ACTR3C: variants seen among roughly 807,000 people sequenced by gnomAD.
ACTR3C encodes actin-related protein 3C.
Under a neutral mutation model 26.3 loss-of-function variants are expected in ACTR3C, and 18 were observed. That is an observed-to-expected ratio of 0.68 (90% CI 0.47 to 1.01). The LOEUF (loss-of-function observed/expected upper bound fraction) is 1.01, where lower values mean the gene tolerates loss of function less well. Among genes scored for constraint, ACTR3C ranks in the 50% least tolerant of loss-of-function variants. The pLI is 0.00. For missense variants in ACTR3C, 184 were observed against 250.7 expected (o/e 0.73, Z 1.80); for synonymous variants, 55 against 94.5 (o/e 0.58, Z 2.42).
At chr7:150,205,851 G>A in the ACTR3C span, among the ~76,000 whole-genome samples, 1 of 151,204 alleles carries the variant, frequency 6.6e-6, no homozygotes, top group South Asian at 2.1e-4. Context: ...GTACCTCCTG[G>A]GATGCAAAGT....
At chr7:150,199,725 C>CAAAAAAAAAAAAAAAA in the ACTR3C span, among the ~76,000 whole-genome samples, 1 of 86,084 alleles carries the variant, frequency 1.2e-5, no homozygotes, top group African/African-American at 4.9e-5. Flanking sequence ...ATATTTTTAT[C>CAAAAAAAAAAAAAAAA]AAAAAAAAAA....
intron 1 of ACTR3C, among the ~76,000 whole-genome samples, chr7:150,295,745 G>A (rs1836697385): frequency 6.7e-6 from 1 of 149,484 alleles, no homozygotes; most frequent in African/African-American, 2.5e-5. Flanking sequence ...CAGCAAAGGA[G>A]AGCCAGAGGA....
chr7:150,280,952 C>T (rs1010768694), intron 6 of ACTR3C, among the ~76,000 whole-genome samples: 3 of 152,220 alleles, frequency 2.0e-5, no homozygotes, highest in South Asian at 4.1e-4. Context: ...CCCAGACGAG[C>T]GCCTCAAGGC....
At chr7:150,168,924 T>C in the ACTR3C span, among the ~76,000 whole-genome samples, 1 of 150,896 alleles carries the variant, frequency 6.6e-6, no homozygotes, top group Non-Finnish European at 1.5e-5. Flanking sequence ...TGTCTAGCTG[T>C]TGGATGCTAT....
At chr7:150,306,778 A>C (rs957533840) in intron 1 of ACTR3C, among the ~76,000 whole-genome samples, 2 of 152,262 alleles carry the variant, frequency 1.3e-5, no homozygotes, top group African/African-American at 4.8e-5. Flanking sequence ...CTTCTTGTAC[A>C]TATGTGTGAT....
At chr7:149,906,433 T>G in the ACTR3C span, among the ~76,000 whole-genome samples, 1,158 of 80,264 alleles carry the variant, frequency 0.014, 48 homozygotes, top group South Asian at 0.037. Flanking sequence ...TTTTTTTTTT[T>G]TTTTTTTTTT....
At chr7:150,247,852 G>C (rs1052537734) in intron 7 of ACTR3C, 14 of 151,822 alleles carry the variant, frequency 9.2e-5, no homozygotes, top group African/African-American at 3.4e-4. Context: ...TTTTGTTCTT[G>C]CTTTTGCCAT....
the ACTR3C span, among the ~76,000 whole-genome samples, chr7:150,086,412 G>A: frequency 6.6e-6 from 1 of 152,228 alleles, no homozygotes; most frequent in Non-Finnish European, 1.5e-5. Context: ...TTACTGGAGA[G>A]AGAAGTATTC....
intron 6 of ACTR3C, among the ~76,000 whole-genome samples, chr7:150,252,795 A>G (rs1832944998): frequency 6.6e-6 from 1 of 152,226 alleles, no homozygotes; most frequent in Admixed American, 6.5e-5. Flanking sequence ...TGGGAATAGG[A>G]TGTATCCTCG....
chr7:150,222,203 C>T, the ACTR3C span, among the ~76,000 whole-genome samples: 1,598 of 152,190 alleles, frequency 0.011, 21 homozygotes, highest in African/African-American at 0.037. Context: ...AAAAGCAACT[C>T]CTGAGATGAA....
chr7:150,297,630 T>C (rs186643360), intron 1 of ACTR3C, among the ~76,000 whole-genome samples: 4,777 of 150,466 alleles, frequency 0.032, 47 homozygotes, highest in South Asian at 0.1. Context: ...GGCGGGCGGA[T>C]CACCTGAGGT....
At chr7:149,948,914 G>C in the ACTR3C span, among the ~76,000 whole-genome samples, 1 of 151,848 alleles carries the variant, frequency 6.6e-6, no homozygotes, top group Non-Finnish European at 1.5e-5. Flanking sequence ...ATAACTGTGA[G>C]GTTTGGGTTC....
chr7:150,272,953 C>A (rs1249854444), intron 6 of ACTR3C, among the ~76,000 whole-genome samples: 2 of 139,808 alleles, frequency 1.4e-5, no homozygotes, highest in Non-Finnish European at 1.5e-5. Flanking sequence ...CCTCAGCCCC[C>A]TAAAGTGCTG....
At chr7:150,107,322 T>C in the ACTR3C span, among the ~76,000 whole-genome samples, 33 of 151,874 alleles carry the variant, frequency 2.2e-4, 1 homozygote, top group South Asian at 1.5e-3. Flanking sequence ...AAAATTTAAA[T>C]GAATATCAGT....
chr7:150,019,882 A>G, the ACTR3C span, among the ~76,000 whole-genome samples: 1 of 152,062 alleles, frequency 6.6e-6, no homozygotes, highest in Non-Finnish European at 1.5e-5. Context: ...GGAGTACTTC[A>G]GTACATAATG....
chr7:149,990,177 C>A, the ACTR3C span, among the ~76,000 whole-genome samples: 3 of 152,174 alleles, frequency 2.0e-5, no homozygotes, highest in African/African-American at 7.2e-5. Flanking sequence ...AGCTCCATTG[C>A]ACCCTTCATT....
At chr7:150,300,519 C>A (rs1454264891) in intron 1 of ACTR3C, among the ~76,000 whole-genome samples, 1 of 151,934 alleles carries the variant, frequency 6.6e-6, no homozygotes, top group East Asian at 1.9e-4. Flanking sequence ...TAGAAATCTT[C>A]CAGCACCTTT....
chr7:150,138,151 A>G, the ACTR3C span, among the ~76,000 whole-genome samples: 3 of 152,204 alleles, frequency 2.0e-5, no homozygotes, highest in East Asian at 3.8e-4. Flanking sequence ...GACCAACTGT[A>G]CGGCATGATG....
At chr7:150,100,862 G>T in the ACTR3C span, among the ~76,000 whole-genome samples, 1 of 151,258 alleles carries the variant, frequency 6.6e-6, no homozygotes, top group African/African-American at 2.5e-5. Flanking sequence ...ATACCACCAT[G>T]CCCAGCTAAT....
Sources: allele counts gnomAD v4.1 joint callset (sites outside exome capture counted in the v4.1 genomes callset), GRCh38; gene constraint gnomAD v4.1.1; transcripts MANE v1.5; gene names NCBI Gene and HGNC (gene_info 2026-07-23, HGNC 2026-07-21).